PTPRT: variants seen among roughly 807,000 people sequenced by gnomAD.
PTPRT encodes the protein protein tyrosine phosphatase receptor type T.
PTPRT carries 56 observed loss-of-function variants against 176.8 expected under a neutral mutation model. The ratio of observed to expected loss-of-function variants is 0.32; its 90% confidence interval spans 0.26 to 0.40. The LOEUF is 0.40. Ranked by LOEUF, PTPRT falls within the 10% of genes least tolerant of loss-of-function variation. The pLI is 1.00. For missense variants in PTPRT, 1,540 were observed against 1,908.2 expected (o/e 0.81, Z 3.60); for synonymous variants, 783 against 739.0 (o/e 1.06, Z -0.96).
chr20:42,042,670 A>C, the PTPRT span, among the ~76,000 whole-genome samples: 3 of 152,190 alleles, frequency 2.0e-5, no homozygotes, highest in Non-Finnish European at 4.4e-5. Context: ...GTTTCTTCAT[A>C]TGTTACACAA....
chr20:43,045,714 C>A (rs1010620967), intron 1 of PTPRT, among the ~76,000 whole-genome samples: 1 of 151,616 alleles, frequency 6.6e-6, no homozygotes, highest in Admixed American at 6.6e-5. Flanking sequence ...CCTCCTGCCT[C>A]AGCCCCCCAA....
At chr20:42,913,295 G>T (rs1376896720) in intron 1 of PTPRT, among the ~76,000 whole-genome samples, 1 of 152,192 alleles carries the variant, frequency 6.6e-6, no homozygotes, top group African/African-American at 2.4e-5. Context: ...CAGCAGGATT[G>T]ACCCCTTCTG....
intron 2 of PTPRT, among the ~76,000 whole-genome samples, chr20:42,837,462 T>C (rs542061988): frequency 6.6e-6 from 1 of 152,270 alleles, no homozygotes; most frequent in South Asian, 2.1e-4. Context: ...TCCTCCACCA[T>C]GGTGACCAAG....
At chr20:42,098,902 T>C (rs895494766) in intron 26 of PTPRT, among the ~76,000 whole-genome samples, 1 of 152,236 alleles carries the variant, frequency 6.6e-6, no homozygotes, top group East Asian at 1.9e-4. Flanking sequence ...TCTTGGGATA[T>C]AAGGGATTGG....
intron 1 of PTPRT, among the ~76,000 whole-genome samples, chr20:43,085,034 C>T (rs2011566417): frequency 6.6e-6 from 1 of 152,208 alleles, no homozygotes; most frequent in Non-Finnish European, 1.5e-5. Flanking sequence ...GATACCAAAG[C>T]TTCCCTTCTG....
chr20:42,108,632 G>GTATT (rs1986717971), intron 23 of PTPRT, among the ~76,000 whole-genome samples: 2 of 141,432 alleles, frequency 1.4e-5, no homozygotes, highest in African/African-American at 2.8e-5. Context: ...GTAGATGCTG[G>GTATT]TATTAGGAGT....
At chr20:42,996,005 T>G (rs537805462) in intron 1 of PTPRT, among the ~76,000 whole-genome samples, 49 of 152,104 alleles carry the variant, frequency 3.2e-4, no homozygotes, top group Non-Finnish European at 6.0e-4. Context: ...TATTATTTTT[T>G]TTGTTTGTTT....
At chr20:42,482,859 T>C (rs565648541) in intron 7 of PTPRT, among the ~76,000 whole-genome samples, 13 of 152,248 alleles carry the variant, frequency 8.5e-5, no homozygotes, top group Non-Finnish European at 1.6e-4. Flanking sequence ...TTGGGGGACA[T>C]AGTGTTAACA....
At chr20:42,737,081 A>C (rs1453988005) in intron 6 of PTPRT, among the ~76,000 whole-genome samples, 2 of 152,218 alleles carry the variant, frequency 1.3e-5, no homozygotes, top group Non-Finnish European at 2.9e-5. Flanking sequence ...AGATATGTTC[A>C]ACACCTAGCC....
chr20:43,167,662 T>C (rs979850638), intron 1 of PTPRT, among the ~76,000 whole-genome samples: 1 of 152,208 alleles, frequency 6.6e-6, no homozygotes, highest in African/African-American at 2.4e-5. Context: ...GCTACAGAAG[T>C]AGCAAGAATA....
In PTPRT at chr20:43,189,623, G is replaced by A; in HGVS notation, c.88+23C>T. 1 of 1,241,724 alleles carries A rather than the reference G, an allele frequency of 8.1e-7. No individual in the cohort carries two copies. The highest frequency in any genetic ancestry group is 4.3e-5 in the Admixed American group (1 of 23,204). The allele number at this position is 1,241,724 out of a possible 1,614,324, so 76.9% of individuals were successfully genotyped here. A position where few individuals can be genotyped will look rare whatever the true frequency, so the allele number is the denominator to read the frequency against. Reference sequence around the variant, plus strand: ...ATCCAGGAGGGAGCGGGGAGCCCAGGGGAGCCGGGCGGGCGCACTCACCTG... The same window carrying A: ...ATCCAGGAGGGAGCGGGGAGCCCAGAGGAGCCGGGCGGGCGCACTCACCTG... On this transcript the variant is annotated intron_variant, in intron 1 of 30. Transcript: ENST00000373187. This position sits in a 1 kb window ranked among gnomAD's most constrained non-coding sequence, Gnocchi z 5.0.
At position 43,011,037 on chromosome 20, in the gene PTPRT, G is replaced by A. The variant is rs182659523; in HGVS notation, c.89-125105C>T. ...CCCAGGCCTTGAGAGTTAAGAAAACGTGGGCCATCCTCCTGCTTATTCGTT... is the reference window on the plus strand; with the variant it reads ...CCCAGGCCTTGAGAGTTAAGAAAACATGGGCCATCCTCCTGCTTATTCGTT... On this transcript the variant is annotated intron_variant, in intron 1 of 30. Coordinates refer to ENST00000373187, the MANE Select transcript of PTPRT (RefSeq NM_007050.6). Among the ~76,000 whole-genome samples, 111 of 152,264 alleles carry A rather than the reference G, an allele frequency of 7.3e-4. 1 individual carries two copies. The highest frequency in any genetic ancestry group is 2.0e-3 in the African/African-American group (84 of 41,548).
intron 13 of PTPRT, among the ~76,000 whole-genome samples, chr20:42,257,643 A>ACCCCCCCCCCCCC (rs59872515): frequency 5.2e-5 from 1 of 19,250 alleles, no homozygotes; most frequent in Non-Finnish European, 8.8e-5. Flanking sequence ...ACCTCCCCCC[A>ACCCCCCCCCCCCC]CCCCCCCCCC....
intron 2 of PTPRT, among the ~76,000 whole-genome samples, chr20:42,792,584 G>T (rs1335550613): frequency 2.6e-5 from 4 of 152,144 alleles, no homozygotes; most frequent in Non-Finnish European, 5.9e-5. Context: ...ATGATTCTAT[G>T]AAATAAACTG....
In PTPRT at chr20:42,352,592, G is replaced by A. The variant is rs2213629; in HGVS notation, c.1561-307C>T. Among the ~76,000 whole-genome samples, 957 of 152,260 alleles carry A rather than the reference G, an allele frequency of 6.3e-3. 8 individuals are homozygous for A. Among genetic ancestry groups the A allele is most frequent in the African/African-American group, 0.02 (823 of 41,528 alleles). ...ATCAGAGGCTGGGAAGGGCAGTACC[G>A]GGTGGGGGGATGGTTAATGGGTAGA... On this transcript the variant is annotated intron_variant, in intron 9 of 30. Coordinates refer to ENST00000373187, the MANE Select transcript of PTPRT (RefSeq NM_007050.6).
chr20:42,353,978 C>G (rs2058323726), intron 9 of PTPRT, among the ~76,000 whole-genome samples: 1 of 151,964 alleles, frequency 6.6e-6, no homozygotes, highest in Non-Finnish European at 1.5e-5. Context: ...GGCTTGAGCC[C>G]AGGAGTTCAA....
chr20:42,665,153 T>C (rs890400215), intron 7 of PTPRT, among the ~76,000 whole-genome samples: 1 of 151,468 alleles, frequency 6.6e-6, no homozygotes, highest in African/African-American at 2.4e-5. Flanking sequence ...ACCATCAGAG[T>C]GAACAGGCAA....
chr20:42,666,003 T>C (rs1238798769), intron 7 of PTPRT, among the ~76,000 whole-genome samples: 2 of 151,000 alleles, frequency 1.3e-5, no homozygotes, highest in African/African-American at 4.9e-5. Context: ...AATGACGAGT[T>C]AATGGGTGCA....
At chr20:42,944,788 T>C (rs1289807050) in intron 1 of PTPRT, among the ~76,000 whole-genome samples, 1 of 152,220 alleles carries the variant, frequency 6.6e-6, no homozygotes, top group Non-Finnish European at 1.5e-5. Context: ...AAGCACTTGG[T>C]TGGTTTTAGT....
Sources: gnomAD v4.1 joint callset for allele counts (sites outside exome capture counted in the v4.1 genomes callset) on GRCh38, gnomAD v4.1.1 for gene constraint, Gnocchi (gnomAD v3.1) non-coding constraint, MANE v1.5 for transcripts, NCBI Gene and HGNC (gene_info 2026-07-23, HGNC 2026-07-21) for gene names.